CDK19: variants seen among roughly 807,000 people sequenced by gnomAD.
CDK19 encodes cyclin dependent kinase 19, also known as cyclin-dependent kinase 19.
A neutral mutation model predicts 68.3 loss-of-function variants in CDK19; 20 were observed. That is an observed-to-expected ratio of 0.29 (90% CI 0.21 to 0.43). The LOEUF (loss-of-function observed/expected upper bound fraction) is 0.43. Among genes scored for constraint, CDK19 ranks in the 20% least tolerant of loss-of-function variants. The pLI, the probability that CDK19 is intolerant of heterozygous loss-of-function variation, is 1.00. For synonymous variants in CDK19, 221 were observed against 222.8 expected (o/e 0.99, Z 0.07); for missense variants, 339 against 623.5 (o/e 0.54, Z 4.86).
At chr6:110,679,493 T>C (rs1411026131) in intron 2 of CDK19, among the ~76,000 whole-genome samples, 6 of 152,150 alleles carry the variant, frequency 3.9e-5, no homozygotes, top group African/African-American at 1.4e-4. Flanking sequence ...GTGCCTATAA[T>C]CCTAGCTACT....
chr6:110,762,215 T>C lies in CDK19; in HGVS notation c.129-16014A>G, dbSNP rs574915811. Among the ~76,000 whole-genome samples, 3 of 152,314 alleles carry C rather than the reference T, an allele frequency of 2.0e-5. No homozygotes were observed. In the South Asian group the frequency reaches 6.2e-4, roughly 32 times the overall value. On this transcript the variant is annotated intron_variant, in intron 1 of 12. Coordinates refer to ENST00000368911, the MANE Select transcript of CDK19 (RefSeq NM_015076.5). ...TGTATTTTACTGCCACAGTAGAAAT[T>C]TGTATACTGTCAATCACAAAATATT...
chr6:110,735,526 G>T (rs537221358), intron 2 of CDK19, among the ~76,000 whole-genome samples: 2 of 152,216 alleles, frequency 1.3e-5, no homozygotes, highest in East Asian at 3.9e-4. Context: ...GTGAATCTAT[G>T]CCAAAAATCC....
At chr6:110,789,503 T>G (rs967412442) in intron 1 of CDK19, among the ~76,000 whole-genome samples, 3 of 152,190 alleles carry the variant, frequency 2.0e-5, no homozygotes, top group Admixed American at 2.0e-4. Flanking sequence ...GGTCTCAATC[T>G]CTTCACCTTG....
At chr6:110,627,332 G>GTA (rs1209327373) in intron 6 of CDK19, among the ~76,000 whole-genome samples, 187 bp from the exon 7 acceptor site, 11 of 151,810 alleles carry the variant, frequency 7.2e-5, no homozygotes, top group African/African-American at 4.9e-5. Flanking sequence ...ATATAGGTAT[G>GTA]TATATATATG....
In CDK19 at chr6:110,695,073, C is replaced by T. The variant is rs532892935; in HGVS notation, c.205-24532G>A. ...CAGAGGTTGCAGTGAACTGAGATGG[C>T]GCCACTGCACTCCAGTCTGAGCCAG... On this transcript the variant is annotated intron_variant, in intron 2 of 12. Coordinates refer to ENST00000368911, the MANE Select transcript of CDK19 (RefSeq NM_015076.5). Among the ~76,000 whole-genome samples the T allele has an allele frequency of 2.6e-3, 396 of 151,630 alleles. 2 individuals carry two copies. In the Middle Eastern group the frequency reaches 0.031, roughly 12 times the overall value.
At chr6:110,614,934 A>G (rs1474122251) in intron 12 of CDK19, among the ~76,000 whole-genome samples, 2 of 152,144 alleles carry the variant, frequency 1.3e-5, no homozygotes. Context: ...AAAAGGGGAA[A>G]TTTCAGCGGA....
intron 4 of CDK19, among the ~76,000 whole-genome samples, chr6:110,652,283 T>A (rs539063561): frequency 4.6e-5 from 7 of 152,240 alleles, no homozygotes; most frequent in South Asian, 4.1e-4. Flanking sequence ...TAATGAAAGC[T>A]GAGAAGGCTA....
At chr6:110,626,966 A>G in intron 7 of CDK19, 36 bp downstream of exon 7, 1 of 1,552,502 alleles carries the variant, frequency 6.4e-7, no homozygotes, top group Non-Finnish European at 8.8e-7. Context: ...TTGAAATATG[A>G]CTCAAAATAT....
At chr6:110,720,078 T>C (rs1348285457) in intron 2 of CDK19, among the ~76,000 whole-genome samples, 2 of 149,564 alleles carry the variant, frequency 1.3e-5, no homozygotes, top group African/African-American at 2.5e-5. Context: ...ATCCAACTGA[T>C]TGCCCCAAGT....
chr6:110,741,006 T>TA (rs1777620722), intron 2 of CDK19, among the ~76,000 whole-genome samples: 3 of 151,730 alleles, frequency 2.0e-5, no homozygotes, highest in Admixed American at 2.0e-4. Context: ...GACAGACAAT[T>TA]AAGAGTATCC....
intron 2 of CDK19, among the ~76,000 whole-genome samples, chr6:110,700,258 T>C (rs1204014608): frequency 6.6e-6 from 1 of 152,216 alleles, no homozygotes; most frequent in Non-Finnish European, 1.5e-5. Context: ...TGTATAATTA[T>C]TTCATTATAT....
intron 2 of CDK19, among the ~76,000 whole-genome samples, chr6:110,727,719 T>A (rs891262127): frequency 6.6e-6 from 1 of 151,856 alleles, no homozygotes; most frequent in East Asian, 1.9e-4. Context: ...ACACCTGTAA[T>A]CCCAGCACTT....
intron 2 of CDK19, among the ~76,000 whole-genome samples, chr6:110,741,328 G>T (rs1429732759): frequency 6.6e-6 from 1 of 151,746 alleles, no homozygotes; most frequent in Non-Finnish European, 1.5e-5. Context: ...TGAGCATGGT[G>T]GTGCATACCT....
chr6:110,698,829 C>T (rs560092512), intron 2 of CDK19, among the ~76,000 whole-genome samples: 4 of 151,200 alleles, frequency 2.6e-5, no homozygotes, highest in South Asian at 2.1e-4. Context: ...CTGAAATCCC[C>T]GCACTTTGGG....
intron 12 of CDK19, 129 bp from the exon 13 acceptor site, chr6:110,614,795 G>C: frequency 2.4e-6 from 2 of 824,470 alleles, no homozygotes; most frequent in Non-Finnish European, 1.9e-6. Context: ...ATAGCTGACA[G>C]CTAACTTAAG....
At position 110,800,701 on chromosome 6, in the gene CDK19, A is replaced by G. The variant is rs59478161; in HGVS notation, c.128+14308T>C. Among the ~76,000 whole-genome samples, 760 of 152,294 alleles carry G rather than the reference A, an allele frequency of 5.0e-3. 8 individuals are homozygous for G. Among genetic ancestry groups the G allele is most frequent in the African/African-American group, 0.017 (717 of 41,558 alleles). On this transcript the variant is annotated intron_variant, in intron 1 of 12. Transcript: ENST00000368911. ...ATAAACAGAAATAAAAACAAAAACC[A>G]CACGATCATCTCAATTGGCACAGAA...
intron 1 of CDK19, among the ~76,000 whole-genome samples, chr6:110,804,006 A>C (rs1782504238): frequency 6.6e-6 from 1 of 152,146 alleles, no homozygotes; most frequent in Admixed American, 6.5e-5. Flanking sequence ...CAGAACGAAA[A>C]GAAAAGAAAA....
intron 4 of CDK19, among the ~76,000 whole-genome samples, chr6:110,665,415 G>A (rs1336074132): frequency 6.6e-6 from 1 of 152,118 alleles, no homozygotes; most frequent in African/African-American, 2.4e-5. Flanking sequence ...CCAAAAGAGA[G>A]GACACTAAAG....
intron 1 of CDK19, among the ~76,000 whole-genome samples, chr6:110,806,264 C>T (rs567139630): frequency 6.6e-5 from 10 of 151,072 alleles, no homozygotes; most frequent in African/African-American, 2.4e-4. Context: ...CGCTTAAACC[C>T]GGGAGGCAGA....
Sources: allele counts gnomAD v4.1 joint callset (sites outside exome capture counted in the v4.1 genomes callset), GRCh38; gene constraint gnomAD v4.1.1; transcripts MANE v1.5; gene names NCBI Gene and HGNC (gene_info 2026-07-23, HGNC 2026-07-21).